C1QTNF1: variants seen among roughly 807,000 people sequenced by gnomAD.
The protein encoded by C1QTNF1 is complement C1q tumor necrosis factor-related protein 1.
In C1QTNF1, 22 loss-of-function variants were observed where a neutral mutation model predicts 27.8. The observed-to-expected ratio is 0.79, with a 90% CI of 0.56 to 1.13. C1QTNF1 has a LOEUF of 1.13. Among genes scored for constraint, C1QTNF1 ranks in the 50% most tolerant of loss-of-function variants. C1QTNF1 has a pLI of 0.00. For missense variants in C1QTNF1, 373 were observed against 380.2 expected (o/e 0.98, Z 0.16); for synonymous variants, 166 against 154.3 (o/e 1.08, Z -0.56).
Position 79,046,906 on chromosome 17 carries a change from G to T in C1QTNF1, c.295+212G>T, listed in dbSNP as rs2072590075. The stretch of plus-strand genomic sequence containing the variant: ...CCTCTCCAAGAGGAGGGGTTGGAAA[G>T]GGGCCCACAGGACCAAGAGCAGGAG... On this transcript the variant is annotated intron_variant, in intron 3 of 3. Coordinates refer to ENST00000579760, the MANE Select transcript of C1QTNF1 (RefSeq NM_030968.5). This position sits in a 1 kb window ranked among gnomAD's most constrained non-coding sequence, Gnocchi z 4.8. The T allele has an allele frequency of 6.3e-6, 4 of 630,946 alleles. No homozygotes were observed. The highest frequency in any genetic ancestry group is 1.1e-5 in the Non-Finnish European group (4 of 377,406). 39.1% of individuals were successfully genotyped at this position (630,946 alleles called of 1,614,324 possible).
Position 79,026,453 on chromosome 17 carries a change from C to T in C1QTNF1, c.-15+1959C>T, listed in dbSNP as rs186421639. On this transcript the variant is annotated intron_variant, in intron 1 of 3. Coordinates refer to ENST00000579760, the MANE Select transcript of C1QTNF1 (RefSeq NM_030968.5). ...ACAGGGGTGAGCCACCGCGCCTGGC[C>T]TCCGGGGCGTATACTTTTAACCTTC... Among the ~76,000 whole-genome samples the T allele has an allele frequency of 2.8e-4, 42 of 152,314 alleles. No individual in the cohort carries two copies. In the East Asian group the frequency reaches 7.7e-3, roughly 28 times the overall value.
intron 1 of C1QTNF1, chr17:79,025,874 AATCATCATCACCATCATC>A (rs756814837): frequency 1.7e-4 from 72 of 427,612 alleles, no homozygotes; most frequent in African/African-American, 9.7e-4. Context: ...CAACAGTGGC[AATCATCATCACCATCATC>A]ATCATCATCA....
intron 1 of C1QTNF1, chr17:79,043,453 A>G (rs868136528): frequency 2.0e-5 from 9 of 451,708 alleles, no homozygotes; most frequent in Middle Eastern, 7.0e-4. Flanking sequence ...TGTGGATTCC[A>G]TGTGTGTTAA....
Position 79,047,761 on chromosome 17 carries a change from C to G in C1QTNF1, c.519C>G (p.Asn173Lys). 6.2e-7 allele frequency: 1 copy of G among 1,614,182 alleles called. No individual in the cohort carries two copies. The highest frequency in any genetic ancestry group is 8.5e-7 in the Non-Finnish European group (1 of 1,180,036). The change falls in exon 4 of 4, where the codon AAC becomes AAG. Residue 173 changes from asparagine (N) to lysine (K), a missense_variant. Asn to Lys is a moderately conservative substitution (Grantham distance 94, BLOSUM62 0). Transcript: ENST00000579760. ...QTVIFDTEFV[N>K]LYDHFNMFTG... Reference sequence around the variant, plus strand: ...TGATCTTCGACACGGAGTTCGTGAACCTCTACGACCACTTCAACATGTTCA... The same window carrying G: ...TGATCTTCGACACGGAGTTCGTGAAGCTCTACGACCACTTCAACATGTTCA...
chr17:79,035,353 A>G (rs73413122), intron 1 of C1QTNF1, among the ~76,000 whole-genome samples: 28,160 of 151,238 alleles, frequency 0.19, 3,825 homozygotes, highest in African/African-American at 0.39. Flanking sequence ...GCTGGAGGGG[A>G]TGGCACGAAG....
At chr17:79,045,615 C>T (rs78973818) in intron 2 of C1QTNF1, among the ~76,000 whole-genome samples, 2,857 of 152,112 alleles carry the variant, frequency 0.019, 82 homozygotes, top group African/African-American at 0.063. Flanking sequence ...CGGAGGGAGT[C>T]GGGGGTGATG....
chr17:79,037,768 A>G (rs1411790447), intron 1 of C1QTNF1, among the ~76,000 whole-genome samples: 1 of 152,072 alleles, frequency 6.6e-6, no homozygotes, highest in Non-Finnish European at 1.5e-5. Context: ...TCCTGGACTC[A>G]GGTGATCCTC....
At chr17:79,045,945 A>G (rs1250513252) in intron 2 of C1QTNF1, among the ~76,000 whole-genome samples, 1 of 152,096 alleles carries the variant, frequency 6.6e-6, no homozygotes, top group Non-Finnish European at 1.5e-5. Context: ...TGGCCCATCC[A>G]GGGGGACTTT....
intron 1 of C1QTNF1, chr17:79,025,075 A>G (rs375476172): frequency 6.6e-6 from 1 of 152,268 alleles, no homozygotes; most frequent in African/African-American, 2.4e-5. Flanking sequence ...TGGGCAGGAA[A>G]AAACGGTGTT....
At position 79,046,468 on chromosome 17, in the gene C1QTNF1, G is replaced by T; in HGVS notation, c.156-87G>T. 1 of 1,546,354 alleles carries T rather than the reference G, an allele frequency of 6.5e-7. No homozygotes were observed. The highest frequency in any genetic ancestry group is 8.9e-7 in the Non-Finnish European group (1 of 1,128,270). Reference sequence around the variant, plus strand: ...GTGAGAGAGTGAGAAGGCAGGTCAGGCATGCCAGAACCACTGGCAGCAGGA... The same window carrying T: ...GTGAGAGAGTGAGAAGGCAGGTCAGTCATGCCAGAACCACTGGCAGCAGGA... On this transcript the variant is annotated intron_variant, in intron 2 of 3. Transcript: ENST00000579760. This position sits in a 1 kb window ranked among gnomAD's most constrained non-coding sequence, Gnocchi z 4.8.
Position 79,045,849 on chromosome 17 carries a change from C to A in C1QTNF1, c.156-706C>A, listed in dbSNP as rs548068612. ...GAGATGTCCATCTGGGAGTCCTGGG[C>A]TTATGGGTAGCTGAACTTAGGGCAC... On this transcript the variant is annotated intron_variant, in intron 2 of 3. Coordinates refer to ENST00000579760, the MANE Select transcript of C1QTNF1 (RefSeq NM_030968.5). 2.3e-4 allele frequency among the ~76,000 whole-genome samples: 35 copies of A among 152,190 alleles called. No homozygotes were observed. In the Middle Eastern group the frequency reaches 0.01, roughly 44 times the overall value.
rs373450378 is a variant in C1QTNF1 at position 79,047,768 on chromosome 17, G to A, written c.526G>A (p.Asp176Asn). 1.4e-5 allele frequency: 23 copies of A among 1,614,010 alleles called. No individual in the cohort carries two copies. Among genetic ancestry groups the A allele is most frequent in the Middle Eastern group, 1.6e-4 (1 of 6,084 alleles). The change falls in exon 4 of 4, where the codon GAC becomes AAC. Residue 176 changes from aspartate to asparagine, a missense_variant. Asp to Asn is a conservative substitution (Grantham distance 23). Coordinates refer to ENST00000579760, the MANE Select transcript of C1QTNF1 (RefSeq NM_030968.5). ...IFDTEFVNLY[D>N]HFNMFTGKFY... ...CGACACGGAGTTCGTGAACCTCTAC[G>A]ACCACTTCAACATGTTCACCGGCAA...
At chr17:79,038,350 G>A (rs543202160) in intron 1 of C1QTNF1, among the ~76,000 whole-genome samples, 4 of 152,288 alleles carry the variant, frequency 2.6e-5, no homozygotes, top group Non-Finnish European at 4.4e-5. Context: ...TACGTCCTGC[G>A]TGTAGCCTGG....
At chr17:79,031,295 G>A (rs1033842043) in intron 1 of C1QTNF1, among the ~76,000 whole-genome samples, 3 of 151,992 alleles carry the variant, frequency 2.0e-5, no homozygotes, top group South Asian at 2.1e-4. Flanking sequence ...GTGAGCCACC[G>A]TGCCCAGCCC....
At position 79,046,754 on chromosome 17, in the gene C1QTNF1, A is replaced by G; in HGVS notation, c.295+60A>G. On this transcript the variant is annotated intron_variant, in intron 3 of 3. Coordinates refer to ENST00000579760, the MANE Select transcript of C1QTNF1 (RefSeq NM_030968.5). This position sits in a 1 kb window ranked among gnomAD's most constrained non-coding sequence, Gnocchi z 4.8. ...GGGCTGCTCTGTGCTGATCCGGAGGAAGGGATGGAGTCGTTAGGGTGGGGC... is the reference window on the plus strand; with the variant it reads ...GGGCTGCTCTGTGCTGATCCGGAGGGAGGGATGGAGTCGTTAGGGTGGGGC... 5.0e-6 allele frequency: 8 copies of G among 1,603,222 alleles called. No homozygotes were observed. Among genetic ancestry groups the G allele is most frequent in the Non-Finnish European group, 6.0e-6 (7 of 1,172,656 alleles).
chr17:79,029,310 T>C (rs1442483647), intron 1 of C1QTNF1, among the ~76,000 whole-genome samples: 1 of 152,170 alleles, frequency 6.6e-6, no homozygotes, highest in Non-Finnish European at 1.5e-5. Flanking sequence ...CGGGGTGAAG[T>C]GTAATGTGCT....
chr17:79,047,173 G>A (rs540399816), intron 3 of C1QTNF1: 2 of 266,516 alleles, frequency 7.5e-6, no homozygotes, highest in South Asian at 1.3e-4. Context: ...GCGAGCCGTC[G>A]GTCTGGCCGC....
chr17:79,044,047 G>A lies in C1QTNF1; in HGVS notation c.79G>A (p.Val27Met), dbSNP rs1459279902. 1.2e-6 allele frequency: 2 copies of A among 1,613,836 alleles called. No homozygotes were observed. The highest frequency in any genetic ancestry group is 1.7e-5 in the Admixed American group (1 of 59,956). ...AFASGLVLSR[V>M]PHVQGEQQEW... ...TGCCTCTGGCCTGGTCCTGAGTCGT[G>A]TGCCCCATGTCCAGGGGGAACAGCA... is the stretch of plus-strand genomic sequence containing the variant. Residue 27 changes from valine to methionine, a missense_variant, in exon 2 of 4, where the codon GTG (valine) becomes ATG (methionine). By Grantham distance (21) the Val-to-Met change is conservative (BLOSUM62 1). Coordinates refer to ENST00000579760, the MANE Select transcript of C1QTNF1 (RefSeq NM_030968.5).
chr17:79,028,252 C>CCACACTT (rs2072028281), intron 1 of C1QTNF1, among the ~76,000 whole-genome samples: 1 of 152,208 alleles, frequency 6.6e-6, no homozygotes, highest in South Asian at 2.1e-4. Context: ...ACGGCTAAAG[C>CCACACTT]CACACTTGGT....
Sources: allele counts gnomAD v4.1 joint callset (sites outside exome capture counted in the v4.1 genomes callset), GRCh38; gene constraint gnomAD v4.1.1; non-coding constraint Gnocchi (gnomAD v3.1); transcripts MANE v1.5; gene names NCBI Gene and HGNC (gene_info 2026-07-23, HGNC 2026-07-21).